The following SMIM35 variants were observed in gnomAD, a reference collection of about 807,000 sequenced individuals.
SMIM35 encodes the protein TMPRSS4 antisense RNA 1 (non-protein coding).
intron 1 of SMIM35, among the ~76,000 whole-genome samples, chr11:118,063,944 C>T (rs1944430224): frequency 1.3e-5 from 2 of 152,204 alleles, no homozygotes; most frequent in African/African-American, 2.4e-5. Context: ...TGAGTCACTC[C>T]AGCAAATGAG....
At chr11:118,069,492 C>T (rs1475150490) in intron 1 of SMIM35, among the ~76,000 whole-genome samples, 1 of 152,152 alleles carries the variant, frequency 6.6e-6, no homozygotes, top group African/African-American at 2.4e-5. Context: ...ACACACCTTT[C>T]GTTTGCCAGT....
chr11:118,057,700 G>A (rs145991415), intron 1 of SMIM35, among the ~76,000 whole-genome samples: 22 of 152,300 alleles, frequency 1.4e-4, no homozygotes, highest in East Asian at 7.7e-4. Flanking sequence ...GAGGGGATTC[G>A]CCTCGGAGGC....
intron 4 of SMIM35, among the ~76,000 whole-genome samples, chr11:118,006,772 T>G (rs2058123840): frequency 6.6e-6 from 1 of 152,204 alleles, no homozygotes; most frequent in Non-Finnish European, 1.5e-5. Context: ...ATCTTCAGGC[T>G]TGTCATCTTC....
intron 1 of SMIM35, among the ~76,000 whole-genome samples, chr11:118,065,314 C>T (rs537121458): frequency 3.5e-4 from 53 of 152,290 alleles, no homozygotes; most frequent in African/African-American, 1.2e-3. Context: ...TGATGGCTCA[C>T]AGGAGGAGGA....
intron 1 of SMIM35, among the ~76,000 whole-genome samples, chr11:118,021,053 T>TTTTTTTTTTTGTTTTTG (rs202082772): frequency 2.7e-5 from 4 of 150,290 alleles, no homozygotes; most frequent in Non-Finnish European, 5.9e-5. Context: ...TAAGGTTTTT[T>TTTTTTTTTTTGTTTTTG]TTTTTACTAT....
At position 118,015,709 on chromosome 11, in the gene SMIM35, G is replaced by A. The variant is rs538835364; in HGVS notation, c.108C>T (p.Arg36=). ...LGYSLAKWYQ[R]GYCWEGPNFV... ...CACACTCACCCTCCCAGCAGTACCC[G>A]CGCTGGTACCACTTGGCCAGGCTGT... The change falls in exon 2 of 5, where the codon CGC becomes CGT. Residue 36 remains arginine (R), a synonymous_variant. Coordinates refer to ENST00000689828, the MANE Select transcript of SMIM35 (RefSeq NM_001394165.1). 1.0e-4 allele frequency: 40 copies of A among 399,312 alleles called. No homozygotes were observed. The highest frequency in any genetic ancestry group is 6.3e-4 in the Middle Eastern group (1 of 1,592). The allele number at this position is 399,312 out of a possible 1,614,324, so 24.7% of individuals were successfully genotyped here.
At chr11:118,075,882 G>A (rs1437093281) in intron 1 of SMIM35, among the ~76,000 whole-genome samples, 1 of 151,954 alleles carries the variant, frequency 6.6e-6, no homozygotes, top group Non-Finnish European at 1.5e-5. Context: ...GTCTCTCCCA[G>A]CAAAATATCT....
At chr11:118,064,632 G>GT (rs944414181) in intron 1 of SMIM35, among the ~76,000 whole-genome samples, 6 of 151,264 alleles carry the variant, frequency 4.0e-5, no homozygotes, top group Non-Finnish European at 5.9e-5. Flanking sequence ...ATTTTTTGTT[G>GT]TTTTTTTCAT....
chr11:118,080,821 C>T lies in SMIM35; in HGVS notation c.7+5930G>A, dbSNP rs138778962. On this transcript the variant is annotated intron_variant, in intron 1 of 4. Coordinates refer to ENST00000689828, the MANE Select transcript of SMIM35 (RefSeq NM_001394165.1). Reference sequence around the variant, plus strand: ...ATGCTTTCAGGCCTGAAAATCTCCACGGCCTCAGACTTCCCAGGTGCCTCT... The same window carrying T: ...ATGCTTTCAGGCCTGAAAATCTCCATGGCCTCAGACTTCCCAGGTGCCTCT... Among the ~76,000 whole-genome samples, 635 of 152,292 alleles carry T rather than the reference C, an allele frequency of 4.2e-3. 4 individuals are homozygous for T. Among genetic ancestry groups the T allele is most frequent in the Non-Finnish European group, 5.5e-3 (371 of 68,018 alleles).
At chr11:118,057,461 T>C (rs952437986) in intron 1 of SMIM35, among the ~76,000 whole-genome samples, 7 of 152,072 alleles carry the variant, frequency 4.6e-5, no homozygotes, top group African/African-American at 1.7e-4. Flanking sequence ...GGGAAAGAAC[T>C]GACCGTGGGC....
intron 1 of SMIM35, among the ~76,000 whole-genome samples, chr11:118,072,004 A>C (rs759763834): frequency 7.2e-5 from 11 of 152,200 alleles, no homozygotes; most frequent in Non-Finnish European, 1.0e-4. Context: ...AGGGAAGGGC[A>C]GTATATGGGC....
At chr11:118,063,808 G>T (rs910733613) in intron 1 of SMIM35, among the ~76,000 whole-genome samples, 3 of 152,318 alleles carry the variant, frequency 2.0e-5, no homozygotes, top group Non-Finnish European at 1.5e-5. Context: ...AAGGGGACCC[G>T]ACTCGGGAGG....
At chr11:118,061,094 T>C (rs1448706315) in intron 1 of SMIM35, among the ~76,000 whole-genome samples, 1 of 152,100 alleles carries the variant, frequency 6.6e-6, no homozygotes, top group East Asian at 1.9e-4. Flanking sequence ...GCCCTGCTTG[T>C]TCCAAAACGG....
chr11:118,083,600 A>G (rs909895933), intron 1 of SMIM35, among the ~76,000 whole-genome samples: 2 of 152,188 alleles, frequency 1.3e-5, no homozygotes, highest in African/African-American at 4.8e-5. Context: ...CCCAAGTTCT[A>G]TTTTAATATT....
At chr11:118,071,875 G>A (rs1016191788) in intron 1 of SMIM35, among the ~76,000 whole-genome samples, 2 of 152,140 alleles carry the variant, frequency 1.3e-5, no homozygotes, top group Non-Finnish European at 2.9e-5. Context: ...AGAGTGGGGC[G>A]TGCTGAGATT....
chr11:118,036,764 CTTTTTTTCT>C (rs147201373), intron 1 of SMIM35, among the ~76,000 whole-genome samples: 3,755 of 152,206 alleles, frequency 0.025, 131 homozygotes, highest in African/African-American at 0.084. Context: ...GCCTCTGCTC[CTTTTTTTCT>C]TTTTTTTCTT....
chr11:118,012,875 A>G (rs577430134), intron 4 of SMIM35, among the ~76,000 whole-genome samples: 8 of 152,326 alleles, frequency 5.3e-5, no homozygotes, highest in African/African-American at 1.9e-4. Context: ...GGTCAACCCT[A>G]CAAGGGCAGG....
At chr11:118,065,638 C>T (rs1565396821) in intron 1 of SMIM35, among the ~76,000 whole-genome samples, 1 of 152,200 alleles carries the variant, frequency 6.6e-6, no homozygotes, top group African/African-American at 2.4e-5. Context: ...ACCAATCAGA[C>T]TGATTGTGGT....
intron 1 of SMIM35, among the ~76,000 whole-genome samples, chr11:118,027,112 C>G (rs1372015873): frequency 7.0e-6 from 1 of 142,034 alleles, no homozygotes; most frequent in African/African-American, 2.7e-5. Flanking sequence ...ACTGCAAGCT[C>G]CGCTTCCCGG....
Sources: gnomAD v4.1 joint callset for allele counts (sites outside exome capture counted in the v4.1 genomes callset) on GRCh38, gnomAD v4.1.1 for gene constraint, MANE v1.5 for transcripts, NCBI Gene and HGNC (gene_info 2026-07-23, HGNC 2026-07-21) for gene names.